Variants in RYR3 observed in about 807,000 individuals in gnomAD.
RYR3 encodes the protein brain ryanodine receptor-calcium release channel.
In RYR3, 207 loss-of-function variants were observed where a neutral mutation model predicts 584.3. The observed-to-expected ratio is 0.35, with a 90% confidence interval of 0.32 to 0.40. RYR3 has a LOEUF of 0.40. Ranked by LOEUF, RYR3 falls within the 10% of genes least tolerant of loss-of-function variation. The pLI is 1.00. For missense variants in RYR3, 5,616 were observed against 6,089.2 expected (o/e 0.92, Z 2.59); for synonymous variants, 2,416 against 2,248.5 (o/e 1.07, Z -2.11).
chr15:33,486,937 C>T (rs2050481506), intron 2 of RYR3, among the ~76,000 whole-genome samples: 1 of 152,244 alleles, frequency 6.6e-6, no homozygotes, highest in South Asian at 2.1e-4. Flanking sequence ...TGGGTCATGA[C>T]TGTAATCCCA....
At chr15:33,854,486 C>A (rs1171917607) in intron 97 of RYR3, 37 bp downstream of exon 97, 4 of 1,503,684 alleles carry the variant, frequency 2.7e-6, no homozygotes, top group Non-Finnish European at 3.6e-6. Context: ...ATTCTATACC[C>A]CAGTTCAGGG....
At chr15:33,861,664 A>G (rs1423780648) in intron 102 of RYR3, among the ~76,000 whole-genome samples, 2 of 151,928 alleles carry the variant, frequency 1.3e-5, no homozygotes, top group Non-Finnish European at 2.9e-5. Context: ...CCACTACATC[A>G]TAATATTGGG....
chr15:33,801,835 G>A, intron 68 of RYR3, 34 bp from the exon 69 acceptor site: 5 of 1,144,732 alleles, frequency 4.4e-6, no homozygotes, highest in Non-Finnish European at 6.4e-6. Context: ...GAACTTTCTT[G>A]TAATGTTTGC....
intron 3 of RYR3, among the ~76,000 whole-genome samples, chr15:33,528,295 C>A (rs368583951): frequency 8.2e-4 from 125 of 152,262 alleles, no homozygotes; most frequent in Non-Finnish European, 1.5e-3. Context: ...TGTCCTTTTA[C>A]TCCTGTTCAT....
At position 33,548,117 on chromosome 15, in the gene RYR3, A is replaced by C. The variant is rs1316033473; in HGVS notation, c.741-13A>C. ...TCATGCAAGTAGGAGCTGATCTCCA[A>C]CTCTGCTCACAGGAGGATATTCTAC... On this transcript the variant is annotated splice_polypyrimidine_tract_variant and intron_variant, in intron 8 of 103. Transcript: ENST00000634891. The C allele has an allele frequency of 1.3e-5, 21 of 1,606,028 alleles. No homozygotes were observed. The highest frequency in any genetic ancestry group is 1.8e-5 in the Non-Finnish European group (21 of 1,174,540).
rs2056015681 is a variant in RYR3, at chr15:33,543,696, C to G, written c.721C>G (p.Gln241Glu). Residue 241 changes from glutamine to glutamate, a missense_variant, in exon 8 of 104, where the codon CAG (glutamine) becomes GAG (glutamate). This residue lies in a region of RYR3 where 1,284 missense variants were observed against 1,344.6 expected (regional missense o/e 0.95). Transcript: ENST00000634891. ...ATGTTTGACGATACCATCTACAGAC[C>G]AGAATGATTCCCAGCACAGGTAAGT... ...DECLTIPSTD[Q>E]NDSQHRRIFY... 1 of 1,611,052 alleles carries G rather than the reference C, an allele frequency of 6.2e-7. No individual in the cohort carries two copies. The highest frequency in any genetic ancestry group is 1.1e-5 in the South Asian group (1 of 91,034).
At chr15:33,391,154 C>G (rs2041969676) in intron 1 of RYR3, among the ~76,000 whole-genome samples, 1 of 152,158 alleles carries the variant, frequency 6.6e-6, no homozygotes, top group Non-Finnish European at 1.5e-5. Flanking sequence ...CCCCACCACT[C>G]TGCTTATAGT....
intron 86 of RYR3, among the ~76,000 whole-genome samples, chr15:33,832,432 A>G (rs545427582): frequency 2.0e-5 from 3 of 152,170 alleles, no homozygotes; most frequent in Non-Finnish European, 2.9e-5. Context: ...AGGTGGGCAG[A>G]TCACCTGAGG....
intron 98 of RYR3, 43 bp downstream of exon 98, chr15:33,854,955 C>A (rs1200580524): frequency 2.0e-6 from 3 of 1,537,870 alleles, no homozygotes; most frequent in African/African-American, 1.4e-5. Context: ...CCTGTATATG[C>A]ACAGGAAAAA....
intron 1 of RYR3, among the ~76,000 whole-genome samples, chr15:33,453,512 A>G (rs1372558546): frequency 6.6e-6 from 1 of 152,234 alleles, no homozygotes; most frequent in Non-Finnish European, 1.5e-5. Context: ...GCAGAAATAT[A>G]AAATAAGACC....
intron 1 of RYR3, among the ~76,000 whole-genome samples, chr15:33,443,634 T>G (rs2046400454): frequency 6.6e-6 from 1 of 152,148 alleles, no homozygotes; most frequent in Non-Finnish European, 1.5e-5. Context: ...GAGTAGTAAT[T>G]ATCAGGTTGT....
At chr15:33,616,594 T>C (rs2060464371) in intron 19 of RYR3, among the ~76,000 whole-genome samples, 1 of 152,104 alleles carries the variant, frequency 6.6e-6, no homozygotes, top group African/African-American at 2.4e-5. Flanking sequence ...GCTGAGGAAA[T>C]TTAAGAAACC....
intron 93 of RYR3, among the ~76,000 whole-genome samples, chr15:33,845,957 C>G (rs887301995): frequency 1.3e-5 from 2 of 152,198 alleles, no homozygotes; most frequent in African/African-American, 4.8e-5. Flanking sequence ...TGTAAAGGCG[C>G]TACATTTGCA....
chr15:33,459,907 C>G (rs2047872330), intron 1 of RYR3, among the ~76,000 whole-genome samples: 1 of 151,924 alleles, frequency 6.6e-6, no homozygotes, highest in East Asian at 1.9e-4. Context: ...AGGAAAAAAG[C>G]AATATGATGA....
At chr15:33,613,719 A>G (rs555852659) in intron 19 of RYR3, among the ~76,000 whole-genome samples, 20 of 152,368 alleles carry the variant, frequency 1.3e-4, no homozygotes, top group African/African-American at 4.8e-4. Context: ...TATGATTCCA[A>G]TGGTTAGCTA....
At chr15:33,402,636 G>C (rs1000433965) in intron 1 of RYR3, among the ~76,000 whole-genome samples, 1 of 152,178 alleles carries the variant, frequency 6.6e-6, no homozygotes, top group African/African-American at 2.4e-5. Context: ...AAACAGCTTG[G>C]CTACATTTAA....
chr15:33,422,646 G>A (rs1337025506), intron 1 of RYR3, among the ~76,000 whole-genome samples: 1 of 151,530 alleles, frequency 6.6e-6, no homozygotes, highest in Non-Finnish European at 1.5e-5. Context: ...TGGGCAAGCA[G>A]AGAGAGAGAG....
At chr15:33,652,673 C>T (rs2062553507) in intron 31 of RYR3, 45 bp from the exon 32 acceptor site, 2 of 1,581,068 alleles carry the variant, frequency 1.3e-6, no homozygotes, top group East Asian at 4.5e-5. Flanking sequence ...TGATTACAAA[C>T]TGCCCCAGTC....
At chr15:33,464,324 A>C (rs1251081537) in intron 1 of RYR3, among the ~76,000 whole-genome samples, 1 of 151,494 alleles carries the variant, frequency 6.6e-6, no homozygotes, top group African/African-American at 2.4e-5. Context: ...GGGGAAGCAC[A>C]TCCTGCATGA....
Sources: allele counts gnomAD v4.1 joint callset (sites outside exome capture counted in the v4.1 genomes callset), GRCh38; gene constraint gnomAD v4.1.1; regional missense constraint gnomAD v4.1.1; transcripts MANE v1.5; gene names NCBI Gene and HGNC (gene_info 2026-07-23, HGNC 2026-07-21).